ZMYM2: variants seen among roughly 807,000 people sequenced by gnomAD.
ZMYM2 encodes the protein zinc finger MYM-type containing 2.
A neutral mutation model predicts 162.8 loss-of-function variants in ZMYM2; 56 were observed. That is an observed-to-expected ratio of 0.34 (90% CI 0.28 to 0.43). ZMYM2 has a LOEUF of 0.43. ZMYM2 is among the 20% of genes least tolerant of loss of function. ZMYM2 has a pLI of 1.00. For synonymous variants in ZMYM2, 510 were observed against 541.6 expected (o/e 0.94, Z 0.81); for missense variants, 1,275 against 1,621.8 (o/e 0.79, Z 3.67).
At chr13:19,954,167 C>A (rs375501590), upstream of ZMYM2, among the ~76,000 whole-genome samples, 4 of 57,502 alleles carry the variant, frequency 7.0e-5, no homozygotes, top group Non-Finnish European at 1.6e-4. Context: ...CTCACTCTGT[C>A]GCCCAGGCTG....
At chr13:19,909,698 G>A in the ZMYM2 span, among the ~76,000 whole-genome samples, 1 of 151,900 alleles carries the variant, frequency 6.6e-6, no homozygotes, top group Non-Finnish European at 1.5e-5. Context: ...CTCCCAAAGT[G>A]CTGGGATTAC....
chr13:19,990,547 C>G (rs2139683254), intron 2 of ZMYM2, among the ~76,000 whole-genome samples: 2 of 152,296 alleles, frequency 1.3e-5, no homozygotes, highest in Admixed American at 1.3e-4. Flanking sequence ...GTTATCTCTT[C>G]ACCTTCTGTT....
Position 20,086,170 on chromosome 13 carries a change from G to A in ZMYM2, c.*156G>A. 1.6e-6 allele frequency: 1 copy of A among 608,356 alleles called. No homozygotes were observed. Among genetic ancestry groups the A allele is most frequent in the Non-Finnish European group, 2.6e-6 (1 of 380,876 alleles). The allele number at this position is 608,356 out of a possible 1,614,324, so 37.7% of individuals were successfully genotyped here. On this transcript the variant is annotated 3_prime_UTR_variant, in exon 25 of 25. Coordinates refer to ENST00000610343, the MANE Select transcript of ZMYM2 (RefSeq NM_197968.4). ...ATTACCATGTAAATAATCTGTGAGT[G>A]AAAGTTGCCATTATTCTATGTAGTG...
chr13:19,874,183 C>T, the ZMYM2 span, among the ~76,000 whole-genome samples: 35 of 152,128 alleles, frequency 2.3e-4, no homozygotes, highest in African/African-American at 7.7e-4. Context: ...TATGAATCAC[C>T]TATGAGGCGG....
At chr13:19,982,774 A>G (rs1203049418) in intron 2 of ZMYM2, among the ~76,000 whole-genome samples, 1 of 152,136 alleles carries the variant, frequency 6.6e-6, no homozygotes, top group Non-Finnish European at 1.5e-5. Flanking sequence ...TAATTTGTTC[A>G]TTTCAAAACT....
intron 2 of ZMYM2, among the ~76,000 whole-genome samples, chr13:19,984,073 A>T (rs1948949405): frequency 6.6e-6 from 1 of 152,236 alleles, no homozygotes; most frequent in Non-Finnish European, 1.5e-5. Context: ...CGATACTTAG[A>T]AAGCGTTTAG....
At chr13:20,069,840 A>G (rs1436998472) in intron 21 of ZMYM2, among the ~76,000 whole-genome samples, 5 of 148,444 alleles carry the variant, frequency 3.4e-5, no homozygotes, top group Admixed American at 6.6e-5. Flanking sequence ...ACAAAAACTC[A>G]GAAAAAAAAA....
chr13:20,083,819 G>A (rs1272332106), intron 24 of ZMYM2, 43 bp downstream of exon 24: 24 of 1,570,300 alleles, frequency 1.5e-5, no homozygotes, highest in Non-Finnish European at 2.1e-5. Context: ...GTTGGTAGAA[G>A]TTGGCTGGTT....
At chr13:20,035,162 G>A (rs1342343451) in intron 11 of ZMYM2, among the ~76,000 whole-genome samples, 1 of 152,066 alleles carries the variant, frequency 6.6e-6, no homozygotes, top group Admixed American at 6.5e-5. Context: ...TTTTTTTCTG[G>A]ATCTGCTTTT....
the ZMYM2 span, among the ~76,000 whole-genome samples, chr13:19,889,750 T>C: frequency 3.0e-4 from 46 of 152,066 alleles, no homozygotes; most frequent in East Asian, 6.9e-3. Context: ...TACCATCTAG[T>C]TTGGTTGTAG....
At chr13:19,870,729 C>T in the ZMYM2 span, among the ~76,000 whole-genome samples, 6 of 151,892 alleles carry the variant, frequency 4.0e-5, no homozygotes, top group African/African-American at 4.8e-5. Flanking sequence ...CGGGTTCAAG[C>T]GATTCTTGTG....
At chr13:19,968,695 A>C (rs1042830290) in intron 2 of ZMYM2, among the ~76,000 whole-genome samples, 1 of 152,002 alleles carries the variant, frequency 6.6e-6, no homozygotes, top group African/African-American at 2.4e-5. Context: ...CCTATTCTTG[A>C]CTCCATTGTA....
At chr13:20,052,875 T>C (rs554218683) in intron 14 of ZMYM2, among the ~76,000 whole-genome samples, 9 of 152,342 alleles carry the variant, frequency 5.9e-5, no homozygotes, top group African/African-American at 1.9e-4. Flanking sequence ...AGGCAGATTA[T>C]TAATGGCTTT....
intron 6 of ZMYM2, among the ~76,000 whole-genome samples, chr13:20,015,763 G>A (rs549249907): frequency 6.6e-5 from 10 of 152,010 alleles, no homozygotes; most frequent in Non-Finnish European, 1.3e-4. Context: ...TTCACATATA[G>A]GCTCTTTTTG....
the ZMYM2 span, among the ~76,000 whole-genome samples, chr13:19,911,264 G>A: frequency 1.3e-5 from 2 of 151,946 alleles, no homozygotes; most frequent in Non-Finnish European, 2.9e-5. Flanking sequence ...TCACCATGTT[G>A]GCCAGGTTGG....
At chr13:19,949,614 C>T in the ZMYM2 span, among the ~76,000 whole-genome samples, 1 of 151,752 alleles carries the variant, frequency 6.6e-6, no homozygotes, top group Non-Finnish European at 1.5e-5. Context: ...ATAGGCTGGG[C>T]GAGGTGGCTC....
At chr13:19,930,627 T>C in the ZMYM2 span, among the ~76,000 whole-genome samples, 1 of 150,474 alleles carries the variant, frequency 6.6e-6, no homozygotes, top group Non-Finnish European at 1.5e-5. Context: ...AGCCTCTGCC[T>C]CCCAGGTTCA....
At chr13:19,901,251 A>G in the ZMYM2 span, among the ~76,000 whole-genome samples, 2 of 152,162 alleles carry the variant, frequency 1.3e-5, no homozygotes, top group Non-Finnish European at 2.9e-5. Flanking sequence ...CCATAACACC[A>G]TATGACCCAG....
intron 2 of ZMYM2, among the ~76,000 whole-genome samples, chr13:19,970,842 T>C (rs1465054132): frequency 6.6e-6 from 1 of 152,034 alleles, no homozygotes; most frequent in African/African-American, 2.4e-5. Context: ...TGATCTGAGA[T>C]TGTAGCAGGA....
Sources: allele counts gnomAD v4.1 joint callset (sites outside exome capture counted in the v4.1 genomes callset), GRCh38; gene constraint gnomAD v4.1.1; transcripts MANE v1.5; gene names NCBI Gene and HGNC (gene_info 2026-07-23, HGNC 2026-07-21).